HECTD4: variants seen among roughly 807,000 people sequenced by gnomAD.
HECTD4 encodes the protein probable E3 ubiquitin-protein ligase HECTD4.
In HECTD4, 114 loss-of-function variants were observed where a neutral mutation model predicts 471.5. The observed-to-expected ratio is 0.24, with a 90% CI of 0.21 to 0.28. HECTD4 has a LOEUF of 0.28. Ranked by LOEUF, HECTD4 falls within the 10% of genes least tolerant of loss-of-function variation. The probability of loss-of-function intolerance (pLI) is 1.00; values close to 1 mark genes in which losing one functional copy is unlikely to be tolerated. For missense variants in HECTD4, 3,866 were observed against 5,651.5 expected, an observed-to-expected ratio of 0.68 and a Z score of 10.13; for synonymous variants, 2,012 against 2,256.0, an observed-to-expected ratio of 0.89 and a Z score of 3.07.
At chr12:112,302,332 C>G in intron 7 of HECTD4, 2 of 757,342 alleles carry the variant, frequency 2.6e-6, no homozygotes, top group Non-Finnish European at 4.9e-6. Flanking sequence ...GGGCCAACAG[C>G]CTCTGCTTCT....
chr12:112,314,860 GCTTGGTTACTATATCA>G (rs1481873251), intron 2 of HECTD4, among the ~76,000 whole-genome samples: 1 of 152,152 alleles, frequency 6.6e-6, no homozygotes, highest in Non-Finnish European at 1.5e-5. Context: ...TGGCTATTAT[GCTTGGTTACTATATCA>G]CCAAGTCACC....
intron 7 of HECTD4, among the ~76,000 whole-genome samples, chr12:112,285,286 A>C (rs2034726727): frequency 6.6e-6 from 1 of 152,078 alleles, no homozygotes; most frequent in African/African-American, 2.4e-5. Flanking sequence ...CTTTCCCAAG[A>C]TTAGACCTAC....
In HECTD4 at chr12:112,254,178, T is replaced by C. The variant is rs376409975; in HGVS notation, c.3328-16A>G. The stretch of plus-strand genomic sequence containing the variant: ...ATATCACCAACTTCAAAACAGAAAA[T>C]ATACTGTTAGACTGTAAAAGAAAAA... On this transcript the variant is annotated splice_polypyrimidine_tract_variant and intron_variant, in intron 21 of 75. Coordinates refer to ENST00000682272, the MANE Select transcript of HECTD4 (RefSeq NM_001388303.1). 26 of 1,613,524 alleles carry C rather than the reference T, an allele frequency of 1.6e-5. No individual in the cohort carries two copies. The Admixed American group carries it at 1.8e-4, about 11-fold the overall frequency.
chr12:112,228,008 G>A lies in HECTD4; in HGVS notation c.6854+81C>T. 7.6e-7 allele frequency: 1 copy of A among 1,309,204 alleles called. No individual in the cohort carries two copies. Among genetic ancestry groups the A allele is most frequent in the Non-Finnish European group, 1.0e-6 (1 of 965,190 alleles). 81.1% of individuals were successfully genotyped at this position (1,309,204 alleles called of 1,614,324 possible). On this transcript the variant is annotated intron_variant, in intron 43 of 75. Coordinates refer to ENST00000682272, the MANE Select transcript of HECTD4 (RefSeq NM_001388303.1). The surrounding 1 kb of genome is among the most constrained non-coding windows in gnomAD (Gnocchi z 4.9). The stretch of plus-strand genomic sequence containing the variant: ...AAGCTGTGGATTCACTAAGTTGGGA[G>A]TGGAGGGGCCCACCAAGGATCCCTT...
At chr12:112,212,442 G>A (rs1161379429) in intron 49 of HECTD4, 45 bp downstream of exon 49, 3 of 1,490,224 alleles carry the variant, frequency 2.0e-6, no homozygotes, top group Admixed American at 1.7e-5. Flanking sequence ...ACAGGAACAG[G>A]TGATGAAGGA....
chr12:112,226,674 A>C lies in HECTD4; in HGVS notation c.6939T>G (p.Val2313=). ...FIQQCPAAVE[V]LNLVAQECSA... is the part of the protein sequence containing the mutation. ...TACATTCCTGGGCTACTAGGTTAAG[A>C]ACTTCAACAGCTGCTGGACATTGTT... The change falls in exon 44 of 76, where the codon GTT becomes GTG. Residue 2313 remains valine (V), a synonymous_variant. Transcript: ENST00000682272. The C allele has an allele frequency of 6.2e-7, 1 of 1,612,852 alleles. No homozygotes were observed. Among genetic ancestry groups the C allele is most frequent in the Non-Finnish European group, 8.5e-7 (1 of 1,179,406 alleles).
chr12:112,349,639 C>CA lies in HECTD4; in HGVS notation c.178-29898dup, dbSNP rs1043447572. On this transcript the variant is annotated intron_variant, in intron 1 of 75. Transcript: ENST00000682272. The stretch of plus-strand genomic sequence containing the variant: ...TCAATCTCATGCTGAGAACAGATGG[C>CA]AAAAAAAAAAATTGGCACAGAATGC... Among the ~76,000 whole-genome samples the CA allele has an allele frequency of 2.5e-3, 363 of 143,704 alleles. 2 individuals carry two copies. The highest frequency in any genetic ancestry group is 4.7e-3 in the Admixed American group (67 of 14,300). 94.3% of individuals were successfully genotyped at this position (143,704 alleles called of 152,430 possible).
Position 112,212,571 on chromosome 12 carries a change from G to A in HECTD4, c.7545C>T (p.Tyr2515=), listed in dbSNP as rs1167283339. The change falls in exon 49 of 76, where the codon TAC becomes TAT. Residue 2515 remains tyrosine, a synonymous_variant. Coordinates refer to ENST00000682272, the MANE Select transcript of HECTD4 (RefSeq NM_001388303.1). ...AGAGGCGCTGCCCGCAGTATGTGAA[G>A]TACACCCGGCCCTTGGCTGGCTGTC... is the stretch of plus-strand genomic sequence containing the variant. ...PPGQPAKGRV[Y]FTYCGQRLSP... 8 of 1,613,782 alleles carry A rather than the reference G, an allele frequency of 5.0e-6. No homozygotes were observed. The Admixed American group carries it at 6.7e-5, about 13-fold the overall frequency.
intron 70 of HECTD4, among the ~76,000 whole-genome samples, chr12:112,169,114 G>T (rs1432518396): frequency 6.6e-6 from 1 of 152,216 alleles, no homozygotes; most frequent in Admixed American, 6.5e-5. Flanking sequence ...CACTTGCTCA[G>T]CTGCCAGTCC....
At chr12:112,268,376 G>A (rs2034328742) in intron 13 of HECTD4, among the ~76,000 whole-genome samples, 1 of 152,150 alleles carries the variant, frequency 6.6e-6, no homozygotes, top group South Asian at 2.1e-4. Context: ...GCTCACCCCT[G>A]TCATACAGAT....
chr12:112,200,884 C>CGTGTGT lies in HECTD4; in HGVS notation c.8407-92_8407-87dup, dbSNP rs3835014. 19,235 of 697,818 alleles carry CGTGTGT rather than the reference C, an allele frequency of 0.028. 1,145 individuals are homozygous for CGTGTGT. The East Asian group carries it at 0.4, about 14-fold the overall frequency. The allele number at this position is 697,818 out of a possible 1,614,324, so 43.2% of individuals were successfully genotyped here. ...GCGTGCGTGTGTGTGTGCGTGCGTGCGTGTGTGTGTGTGTGTGTGTGTGTG... is the reference window on the plus strand; with the variant it reads ...GCGTGCGTGTGTGTGTGCGTGCGTGCGTGTGTGTGTGTGTGTGTGTGTGTGTGTGTG... On this transcript the variant is annotated intron_variant, in intron 54 of 75. Coordinates refer to ENST00000682272, the MANE Select transcript of HECTD4 (RefSeq NM_001388303.1).
At chr12:112,324,103 C>T (rs1200452786) in intron 1 of HECTD4, among the ~76,000 whole-genome samples, 5 of 55,422 alleles carry the variant, frequency 9.0e-5, no homozygotes, top group Admixed American at 2.4e-4. Context: ...TCTTTCTTTC[C>T]TCTCTCTCTT....
chr12:112,238,741 T>A (rs1220460945), intron 34 of HECTD4, among the ~76,000 whole-genome samples: 5 of 152,062 alleles, frequency 3.3e-5, no homozygotes, highest in Non-Finnish European at 7.4e-5. Context: ...AAATTTTTTT[T>A]AATTAAAAAA....
chr12:112,348,959 A>C (rs557194170), intron 1 of HECTD4, among the ~76,000 whole-genome samples: 1 of 152,194 alleles, frequency 6.6e-6, no homozygotes, highest in African/African-American at 2.4e-5. Flanking sequence ...TTATTTTCCA[A>C]GTTGTTTACA....
At chr12:112,247,617 G>T in intron 27 of HECTD4, 67 bp from the exon 28 acceptor site, 1 of 659,670 alleles carries the variant, frequency 1.5e-6, no homozygotes, top group Non-Finnish European at 2.4e-6. Context: ...ATATTAAAAT[G>T]AACAGAAAAT....
rs1473331549 is a variant in HECTD4, at chr12:112,228,313, A to G, written c.6685-55T>C. The G allele has an allele frequency of 1.4e-6, 2 of 1,461,308 alleles. No homozygotes were observed. Among genetic ancestry groups the G allele is most frequent in the African/African-American group, 2.9e-5 (2 of 69,232 alleles). The allele number at this position is 1,461,308 out of a possible 1,614,324, so 90.5% of individuals were successfully genotyped here. A position where few individuals can be genotyped will look rare whatever the true frequency, so the allele number is the denominator to read the frequency against. On this transcript the variant is annotated intron_variant, in intron 42 of 75. Coordinates refer to ENST00000682272, the MANE Select transcript of HECTD4 (RefSeq NM_001388303.1). The surrounding 1 kb of genome is among the most constrained non-coding windows in gnomAD (Gnocchi z 4.9). ...GTTAAATTCAAGTAGTTAGTTTATA[A>G]GAAATGAGGGTGTTATTATTATCTG...
intron 40 of HECTD4, among the ~76,000 whole-genome samples, chr12:112,230,391 TCTC>T (rs1211857077): frequency 6.6e-6 from 1 of 152,084 alleles, no homozygotes; most frequent in Non-Finnish European, 1.5e-5. Context: ...CACTGCATGA[TCTC>T]CTAATGTCAG....
intron 9 of HECTD4, among the ~76,000 whole-genome samples, chr12:112,279,004 T>C (rs1260315510): frequency 1.3e-5 from 2 of 152,244 alleles, no homozygotes; most frequent in African/African-American, 2.4e-5. Flanking sequence ...TTATTTCTAT[T>C]AATTTTATAG....
chr12:112,253,543 C>A (rs1490034261), intron 22 of HECTD4, among the ~76,000 whole-genome samples: 1 of 152,206 alleles, frequency 6.6e-6, no homozygotes, highest in Non-Finnish European at 1.5e-5. Flanking sequence ...ACAGACATTT[C>A]AGTCTTATAT....
Sources: allele counts gnomAD v4.1 joint callset (sites outside exome capture counted in the v4.1 genomes callset), GRCh38; gene constraint gnomAD v4.1.1; non-coding constraint Gnocchi (gnomAD v3.1); transcripts MANE v1.5; gene names NCBI Gene and HGNC (gene_info 2026-07-23, HGNC 2026-07-21).